Variants in MIER3 observed in about 807,000 individuals in gnomAD.
MIER3 encodes mesoderm induction early response protein 3.
MIER3 carries 9 observed loss-of-function variants against 63.2 expected under a neutral mutation model. That is an observed-to-expected ratio of 0.14 (90% confidence interval 0.09 to 0.25). The LOEUF is 0.25. Among genes scored for constraint, MIER3 ranks in the 10% least tolerant of loss-of-function variants. MIER3 has a pLI of 1.00. For missense variants in MIER3, 512 were observed against 666.2 expected (o/e 0.77, Z 2.55); for synonymous variants, 205 against 224.9 (o/e 0.91, Z 0.79).
intron 10 of MIER3, chr5:56,925,197 T>C: frequency 3.3e-6 from 1 of 306,786 alleles, no homozygotes. Context: ...TGAGAAACAT[T>C]AGATTTTCAA....
chr5:56,924,382 T>C (rs1294572672), intron 10 of MIER3, among the ~76,000 whole-genome samples: 4 of 152,212 alleles, frequency 2.6e-5, no homozygotes, highest in Non-Finnish European at 4.4e-5. Flanking sequence ...CTCTGTGATT[T>C]TGACTACAGT....
Position 56,935,498 on chromosome 5 carries a change from T to C in MIER3, c.525A>G (p.Glu175=), listed in dbSNP as rs1171075556. The C allele has an allele frequency of 6.3e-7, 1 of 1,588,662 alleles. No individual in the cohort carries two copies. Among genetic ancestry groups the C allele is most frequent in the Non-Finnish European group, 8.5e-7 (1 of 1,172,472 alleles). ...SGNSPEDLRK[E]IMIGLQYQAE... is the part of the protein sequence containing the mutation. ...CCTGATATTGTAAACCAATCATTAT[T>C]TCCTACAGGAAAATTGAGAGGTAAA... The change falls in exon 7 of 13, where the codon GAA becomes GAG. Residue 175 remains glutamate (E), a splice_region_variant and synonymous_variant. Coordinates refer to ENST00000381199, the MANE Select transcript of MIER3 (RefSeq NM_001297599.2).
intron 2 of MIER3, among the ~76,000 whole-genome samples, chr5:56,947,867 A>G (rs1326979184): frequency 1.3e-5 from 2 of 152,242 alleles, no homozygotes; most frequent in Non-Finnish European, 2.9e-5. Flanking sequence ...ATATGAAGTC[A>G]ATAGGAAACT....
chr5:56,934,838 T>C (rs1482906094), intron 7 of MIER3, among the ~76,000 whole-genome samples: 10 of 152,202 alleles, frequency 6.6e-5, no homozygotes, highest in African/African-American at 2.2e-4. Context: ...ATTCCCAAGT[T>C]CAACTAAGAA....
chr5:56,946,871 T>A (rs1750841554), intron 3 of MIER3, 55 bp downstream of exon 3: 1 of 1,283,076 alleles, frequency 7.8e-7, no homozygotes, highest in African/African-American at 1.6e-5. Context: ...TTTTTAAAAT[T>A]ACAACAGAAT....
chr5:56,931,170 T>G (rs561498845), intron 8 of MIER3, among the ~76,000 whole-genome samples: 4 of 152,232 alleles, frequency 2.6e-5, no homozygotes, highest in Non-Finnish European at 5.9e-5. Context: ...CCTGGAATAA[T>G]AGGCATGGCA....
At chr5:56,948,926 G>A (rs1750920733) in intron 2 of MIER3, among the ~76,000 whole-genome samples, 1 of 152,122 alleles carries the variant, frequency 6.6e-6, no homozygotes, top group Non-Finnish European at 1.5e-5. Context: ...AAAATCGAAG[G>A]ACCTGAGGGT....
chr5:56,944,601 T>C (rs1005535305), intron 3 of MIER3, among the ~76,000 whole-genome samples: 1 of 152,234 alleles, frequency 6.6e-6, no homozygotes, highest in Non-Finnish European at 1.5e-5. Context: ...CAAATGAGGC[T>C]GAGATGCATT....
chr5:56,923,217 C>T lies in MIER3; in HGVS notation c.1564G>A (p.Ala522Thr), dbSNP rs554057814. 2 of 1,614,066 alleles carry T rather than the reference C, an allele frequency of 1.2e-6. No homozygotes were observed. Among genetic ancestry groups the T allele is most frequent in the East Asian group, 4.5e-5 (2 of 44,866 alleles). ...ITSAKMAVSV[A>T]DFGSLSANET... is the part of the protein sequence containing the mutation. Reference sequence around the variant, plus strand: ...TTGGCAGAGAGACTGCCAAAGTCAGCCACAGAAACAGCCATTTTGGCACTG... The same window carrying T: ...TTGGCAGAGAGACTGCCAAAGTCAGTCACAGAAACAGCCATTTTGGCACTG... Residue 522 changes from alanine to threonine, a missense_variant, in exon 13 of 13, where the codon GCT becomes ACT. Around this residue, in one of 5 missense-constraint regions of MIER3, gnomAD observed 218 missense variants for 251.2 expected, o/e 0.87. Transcript: ENST00000381199.
intron 3 of MIER3, among the ~76,000 whole-genome samples, chr5:56,944,492 A>AG (rs2112141732): frequency 6.6e-6 from 1 of 152,208 alleles, no homozygotes; most frequent in East Asian, 1.9e-4. Flanking sequence ...AAAAAAAAAA[A>AG]AGAAATCAAC....
chr5:56,940,854 A>G (rs1469650252), intron 3 of MIER3: 1 of 461,562 alleles, frequency 2.2e-6, no homozygotes, highest in African/African-American at 2.1e-5. Context: ...TGCAGAGTCC[A>G]TGCAGCCCAT....
At chr5:56,934,422 C>T (rs1203414791) in intron 7 of MIER3, among the ~76,000 whole-genome samples, 5 of 152,146 alleles carry the variant, frequency 3.3e-5, no homozygotes. Flanking sequence ...AGAGAAAGTA[C>T]ACCTTCCCTC....
rs1166676415 is a variant in MIER3 at position 56,920,914 on chromosome 5, A to C, written c.*2214T>G. 3 of 152,702 alleles carry C rather than the reference A, an allele frequency of 2.0e-5. No homozygotes were observed. In the East Asian group the frequency reaches 5.8e-4, roughly 29 times the overall value. The allele number at this position is 152,702 out of a possible 1,614,324, so 9.5% of individuals were successfully genotyped here. On this transcript the variant is annotated 3_prime_UTR_variant, in exon 13 of 13. Transcript: ENST00000381199. ...TCTAAGAGGCTAAAATCAGATTGAC[A>C]TTTAAAAATCTATTAAACTAGCTGG...
chr5:56,936,335 T>C (rs1171917500), intron 5 of MIER3, among the ~76,000 whole-genome samples: 1 of 152,166 alleles, frequency 6.6e-6, no homozygotes, highest in African/African-American at 2.4e-5. Context: ...GAGTTCTGAT[T>C]ATACTAATCC....
At position 56,927,177 on chromosome 5, in the gene MIER3, C is replaced by T. The variant is rs114067491; in HGVS notation, c.924+1590G>A. On this transcript the variant is annotated intron_variant, in intron 10 of 12. Transcript: ENST00000381199. ...TGATACTGTACTGGTGGATATGTAT[C>T]ATTATATATTTGCCAAAATCAATGG... Among the ~76,000 whole-genome samples, 302 of 152,132 alleles carry T rather than the reference C, an allele frequency of 2.0e-3. 1 individual carries two copies. The highest frequency in any genetic ancestry group is 6.5e-3 in the African/African-American group (270 of 41,510).
chr5:56,935,790 T>C, intron 5 of MIER3, 39 bp from the exon 6 acceptor site: 1 of 1,507,608 alleles, frequency 6.6e-7, no homozygotes, highest in Non-Finnish European at 9.2e-7. Context: ...TACTGCCTAT[T>C]TTTGCAGAAC....
At position 56,930,700 on chromosome 5, in the gene MIER3, T is replaced by C. The variant is rs200723673; in HGVS notation, c.793A>G (p.Ile265Val). The change falls in exon 9 of 13, where the codon ATC becomes GTC. Residue 265 changes from isoleucine to valine, a missense_variant. This residue lies in a region of MIER3 where 118 missense variants were observed against 133.6 expected (regional missense o/e 0.88). Transcript: ENST00000381199. ...LKCNHNIKEA[I>V]ERYCCNGKAS... ...TTTCCATTGCAGCAGTATCTTTCGA[T>C]TGCTTCCTTTATATTGTGGTTACAC... 4 of 1,613,874 alleles carry C rather than the reference T, an allele frequency of 2.5e-6. No individual in the cohort carries two copies. The highest frequency in any genetic ancestry group is 3.4e-6 in the Non-Finnish European group (4 of 1,179,812).
chr5:56,939,910 T>C (rs1750583384), intron 3 of MIER3, among the ~76,000 whole-genome samples: 1 of 152,242 alleles, frequency 6.6e-6, no homozygotes, highest in South Asian at 2.1e-4. Context: ...CATTAACTAC[T>C]TTTGTCTAAG....
chr5:56,921,429 ATAAAT>A lies in MIER3; in HGVS notation c.*1694_*1698del, dbSNP rs1337854554. On this transcript the variant is annotated 3_prime_UTR_variant, in exon 13 of 13. Coordinates refer to ENST00000381199, the MANE Select transcript of MIER3 (RefSeq NM_001297599.2). Reference sequence around the variant, plus strand: ...TACAGGAATGCTATACTTCAGATGTATAAATTAGAGACTGATTTTAAGTTATTAAT... The same window carrying A: ...TACAGGAATGCTATACTTCAGATGTATAGAGACTGATTTTAAGTTATTAAT... 6.6e-6 allele frequency: 1 copy of A among 152,576 alleles called. No homozygotes were observed. The highest frequency in any genetic ancestry group is 6.5e-5 in the Admixed American group (1 of 15,274). The allele number at this position is 152,576 out of a possible 1,614,324, so 9.5% of individuals were successfully genotyped here.
Sources: allele counts gnomAD v4.1 joint callset (sites outside exome capture counted in the v4.1 genomes callset), GRCh38; gene constraint gnomAD v4.1.1; regional missense constraint gnomAD v4.1.1; transcripts MANE v1.5; gene names NCBI Gene and HGNC (gene_info 2026-07-23, HGNC 2026-07-21).